The following MAP4K3 variants were observed in gnomAD, a reference collection of about 807,000 sequenced individuals.
The protein encoded by MAP4K3 is MAPK/ERK kinase kinase kinase 3.
MAP4K3 carries 94 observed loss-of-function variants against 143.5 expected under a neutral mutation model. The observed-to-expected ratio is 0.65, with a 90% CI of 0.55 to 0.78. MAP4K3 has a LOEUF of 0.78. Ranked by LOEUF, MAP4K3 falls within the 30% of genes least tolerant of loss-of-function variation. The pLI is 0.00. For missense variants in MAP4K3, 1,077 were observed against 1,068.1 expected (o/e 1.01, Z -0.12); for synonymous variants, 416 against 347.2 (o/e 1.20, Z -2.20).
intron 31 of MAP4K3, among the ~76,000 whole-genome samples, chr2:39,256,514 G>T (rs1680347708): frequency 6.6e-6 from 1 of 152,114 alleles, no homozygotes; most frequent in African/African-American, 2.4e-5. Context: ...AGAGTTACAT[G>T]ATTTTCTCTT....
chr2:39,361,875 T>C (rs1665781361), intron 2 of MAP4K3, among the ~76,000 whole-genome samples: 1 of 151,874 alleles, frequency 6.6e-6, no homozygotes, highest in African/African-American at 2.4e-5. Flanking sequence ...ATGAGAGTCA[T>C]GAAGATGTTA....
At chr2:39,336,483 A>G (rs1200762985) in intron 6 of MAP4K3, among the ~76,000 whole-genome samples, 2 of 148,144 alleles carry the variant, frequency 1.4e-5, no homozygotes, top group African/African-American at 2.5e-5. Flanking sequence ...AAAAAAAAAA[A>G]AAAAAAAAAA....
chr2:39,328,758 A>T (rs6719469), intron 8 of MAP4K3, among the ~76,000 whole-genome samples: 114,905 of 152,048 alleles, frequency 0.76, 44,453 homozygotes, highest in Non-Finnish European at 0.84. Context: ...TAGTTGATGC[A>T]TTGGGGTGTG....
chr2:39,281,544 T>C (rs1309266869), intron 22 of MAP4K3, among the ~76,000 whole-genome samples: 2 of 152,082 alleles, frequency 1.3e-5, no homozygotes, highest in Non-Finnish European at 2.9e-5. Context: ...TGCTAACCCC[T>C]AGAAATTTAA....
At chr2:39,383,345 T>C (rs968254746) in intron 1 of MAP4K3, among the ~76,000 whole-genome samples, 63 of 152,128 alleles carry the variant, frequency 4.1e-4, no homozygotes, top group African/African-American at 1.4e-3. Context: ...AAGCCCCTTA[T>C]AAAACCATCA....
intron 1 of MAP4K3, among the ~76,000 whole-genome samples, chr2:39,416,958 A>C (rs1667398411): frequency 6.6e-6 from 1 of 152,226 alleles, no homozygotes; most frequent in Non-Finnish European, 1.5e-5. Flanking sequence ...AGATAATTAA[A>C]GTTCCTACAA....
At chr2:39,417,423 G>A (rs760422278) in intron 1 of MAP4K3, among the ~76,000 whole-genome samples, 16 of 152,046 alleles carry the variant, frequency 1.1e-4, no homozygotes, top group Non-Finnish European at 2.1e-4. Flanking sequence ...GTTTCACCGT[G>A]TTAGCCAGGA....
At chr2:39,290,787 C>T (rs956260592) in intron 18 of MAP4K3, among the ~76,000 whole-genome samples, 6 of 152,030 alleles carry the variant, frequency 3.9e-5, no homozygotes, top group Non-Finnish European at 4.4e-5. Flanking sequence ...TTAACAATAA[C>T]GGGCCGGGCG....
At chr2:39,353,671 T>C (rs1420845600) in intron 3 of MAP4K3, among the ~76,000 whole-genome samples, 2 of 152,214 alleles carry the variant, frequency 1.3e-5, no homozygotes, top group Admixed American at 6.5e-5. Flanking sequence ...GCTATCCAGG[T>C]TGCTGAAAGA....
At chr2:39,389,583 T>TA (rs1666598272) in intron 1 of MAP4K3, among the ~76,000 whole-genome samples, 1 of 151,940 alleles carries the variant, frequency 6.6e-6, no homozygotes, top group South Asian at 2.1e-4. Flanking sequence ...GAACAACAAT[T>TA]AGACTTTTCA....
At chr2:39,369,195 T>TTTCTTTTTTG (rs1666008936) in intron 2 of MAP4K3, among the ~76,000 whole-genome samples, 1 of 89,000 alleles carries the variant, frequency 1.1e-5, no homozygotes, top group Non-Finnish European at 2.3e-5. Flanking sequence ...TTGGGCTAGT[T>TTTCTTTTTTG]TTTTTTTTTG....
intron 8 of MAP4K3, among the ~76,000 whole-genome samples, chr2:39,329,900 G>A (rs1368170417): frequency 1.3e-5 from 2 of 152,146 alleles, no homozygotes. Context: ...GAACCAAAAT[G>A]TAAGGATTAG....
intron 1 of MAP4K3, 133 bp downstream of exon 1, chr2:39,436,759 T>G: frequency 1.4e-6 from 1 of 716,756 alleles, no homozygotes; most frequent in Non-Finnish European, 2.4e-6. Flanking sequence ...GCCCTTGGCG[T>G]CCGCAGCTCC....
intron 23 of MAP4K3, among the ~76,000 whole-genome samples, 154 bp downstream of exon 23, chr2:39,280,118 C>T (rs987307318): frequency 6.6e-6 from 1 of 151,658 alleles, no homozygotes; most frequent in Non-Finnish European, 1.5e-5. Context: ...GATAACAGCA[C>T]AAAGAAACAT....
intron 33 of MAP4K3, 49 bp downstream of exon 33, chr2:39,251,781 C>T (rs1490513100): frequency 7.0e-7 from 1 of 1,422,576 alleles, no homozygotes; most frequent in Middle Eastern, 1.8e-4. Flanking sequence ...CATGCTGGAT[C>T]TATAAAACAC....
At chr2:39,397,100 T>C (rs1015145425) in intron 1 of MAP4K3, among the ~76,000 whole-genome samples, 3 of 152,144 alleles carry the variant, frequency 2.0e-5, no homozygotes, top group Admixed American at 1.3e-4. Flanking sequence ...AATAAAGAAA[T>C]GATTCTTTTT....
intron 1 of MAP4K3, among the ~76,000 whole-genome samples, chr2:39,428,439 T>C (rs913424868): frequency 5.9e-5 from 9 of 152,132 alleles, no homozygotes; most frequent in South Asian, 4.1e-4. Flanking sequence ...TTTGGGAGGC[T>C]GAGGCAGGTG....
At chr2:39,361,709 A>G (rs1004103375) in intron 2 of MAP4K3, among the ~76,000 whole-genome samples, 3 of 150,858 alleles carry the variant, frequency 2.0e-5, no homozygotes, top group Non-Finnish European at 4.4e-5. Flanking sequence ...CATTTTATTT[A>G]AATATTAAAT....
chr2:39,325,898 C>T lies in MAP4K3; in HGVS notation c.725+1G>A, dbSNP rs1249449000. Reference sequence around the variant, plus strand: ...AAAGTAAATAACATAAAAATACTTACCATTTCATTTTATCCTTTAGTTTAG... The same window carrying T: ...AAAGTAAATAACATAAAAATACTTATCATTTCATTTTATCCTTTAGTTTAG... On this transcript the variant is annotated splice_donor_variant, in intron 10 of 33. Coordinates refer to ENST00000263881, the MANE Select transcript of MAP4K3 (RefSeq NM_003618.4). LOFTEE classifies it high-confidence loss of function. The T allele has an allele frequency of 2.5e-6, 4 of 1,577,094 alleles. No homozygotes were observed. The highest frequency in any genetic ancestry group is 1.7e-6 in the Non-Finnish European group (2 of 1,152,656).
Sources: gnomAD v4.1 joint callset for allele counts (sites outside exome capture counted in the v4.1 genomes callset) on GRCh38, gnomAD v4.1.1 for gene constraint, MANE v1.5 for transcripts, NCBI Gene and HGNC (gene_info 2026-07-23, HGNC 2026-07-21) for gene names.